NEBL: variants seen among roughly 807,000 people sequenced by gnomAD.
NEBL encodes the protein LIM and SH3 protein 2.
NEBL carries 122 observed loss-of-function variants against 140.2 expected under a neutral mutation model. The ratio of observed to expected loss-of-function variants is 0.87; its 90% confidence interval spans 0.75 to 1.01. NEBL has a LOEUF of 1.01. Ranked by LOEUF, NEBL falls within the 50% of genes least tolerant of loss-of-function variation. NEBL has a pLI of 0.00. For synonymous variants in NEBL, 436 were observed against 398.9 expected (o/e 1.09, Z -1.11); for missense variants, 1,365 against 1,231.3 (o/e 1.11, Z -1.62).
At chr10:20,844,108 T>C (rs1841666542) in intron 12 of NEBL, among the ~76,000 whole-genome samples, 1 of 152,134 alleles carries the variant, frequency 6.6e-6, no homozygotes, top group African/African-American at 2.4e-5. Context: ...TTATAGAAAT[T>C]ACATGTCTAT....
intron 2 of NEBL, among the ~76,000 whole-genome samples, chr10:21,103,532 G>A (rs1280423145): frequency 3.3e-5 from 5 of 152,186 alleles, no homozygotes; most frequent in African/African-American, 1.2e-4. Flanking sequence ...TCTTGATAAG[G>A]TCAGCCTTTT....
intron 3 of NEBL, among the ~76,000 whole-genome samples, chr10:21,223,755 T>C (rs1364561593): frequency 6.6e-6 from 1 of 152,206 alleles, no homozygotes; most frequent in Non-Finnish European, 1.5e-5. Flanking sequence ...GATATCTCAT[T>C]GTAGTTTTGA....
intron 1 of NEBL, among the ~76,000 whole-genome samples, chr10:21,263,325 C>T (rs1351510425): frequency 2.6e-5 from 4 of 151,954 alleles, no homozygotes; most frequent in Non-Finnish European, 4.4e-5. Flanking sequence ...GAGAAGATGG[C>T]GGACTAGTGT....
Position 20,835,638 on chromosome 10 carries a change from AT to A in NEBL, c.1339-16del. The A allele has an allele frequency of 6.5e-7, 1 of 1,541,912 alleles. No homozygotes were observed. The highest frequency in any genetic ancestry group is 1.1e-5 in the South Asian group (1 of 89,778). On this transcript the variant is annotated splice_polypyrimidine_tract_variant and intron_variant, in intron 13 of 27. Coordinates refer to ENST00000377122, the MANE Select transcript of NEBL (RefSeq NM_006393.3). Reference sequence around the variant, plus strand: ...TTGTATTCTTTCTGCAAAAGACAACATTTTACAACATTCAAACACTCAGTGG... The same window carrying A: ...TTGTATTCTTTCTGCAAAAGACAACATTTACAACATTCAAACACTCAGTGG...
intron 2 of NEBL, among the ~76,000 whole-genome samples, chr10:21,072,939 C>T (rs149198564): frequency 0.015 from 2,230 of 152,128 alleles, 32 homozygotes; most frequent in Non-Finnish European, 0.023. Context: ...TGCAGTGAGT[C>T]GAGATCATGC....
At chr10:20,786,491 A>G (rs1170440739) in intron 27 of NEBL, among the ~76,000 whole-genome samples, 4 of 152,212 alleles carry the variant, frequency 2.6e-5, no homozygotes, top group African/African-American at 7.2e-5. Flanking sequence ...TATGATTATA[A>G]TGAGTTTTCC....
At chr10:20,798,753 G>C (rs986290042) in intron 26 of NEBL, among the ~76,000 whole-genome samples, 1 of 152,088 alleles carries the variant, frequency 6.6e-6, no homozygotes, top group African/African-American at 2.4e-5. Flanking sequence ...TTTTAATGTT[G>C]TATTGTTTCT....
chr10:20,896,868 C>T (rs1847542962), intron 2 of NEBL, 90 bp downstream of exon 2: 18 of 1,110,372 alleles, frequency 1.6e-5, no homozygotes, highest in South Asian at 1.1e-4. Flanking sequence ...AAGGTGATTT[C>T]AGGGTTTCCC....
intron 1 of NEBL, among the ~76,000 whole-genome samples, chr10:21,286,228 T>C (rs1843053442): frequency 1.3e-5 from 2 of 152,218 alleles, no homozygotes; most frequent in African/African-American, 4.8e-5. Context: ...GGGAGCAGCA[T>C]ATTTGGTTTT....
At chr10:20,991,958 T>C (rs758667993) in intron 3 of NEBL, among the ~76,000 whole-genome samples, 2 of 151,924 alleles carry the variant, frequency 1.3e-5, no homozygotes, top group Non-Finnish European at 2.9e-5. Context: ...TATTCTTTTT[T>C]ATGGCTGTGT....
chr10:20,918,649 C>G (rs879088966), intron 4 of NEBL, among the ~76,000 whole-genome samples: 3 of 151,742 alleles, frequency 2.0e-5, no homozygotes, highest in Non-Finnish European at 2.9e-5. Flanking sequence ...GAGATCGAGA[C>G]CATCCTGGCG....
intron 2 of NEBL, among the ~76,000 whole-genome samples, chr10:21,139,646 T>A (rs1301436603): frequency 6.6e-6 from 1 of 152,162 alleles, no homozygotes; most frequent in Admixed American, 6.5e-5. Flanking sequence ...AACAATTGTA[T>A]AAGAGGCACG....
chr10:20,792,523 C>T (rs185424016), intron 26 of NEBL, among the ~76,000 whole-genome samples: 14 of 152,176 alleles, frequency 9.2e-5, no homozygotes, highest in South Asian at 2.1e-4. Flanking sequence ...TAGTCCTGGC[C>T]GGGCATGGTG....
At chr10:20,814,882 C>T (rs184745965) in intron 22 of NEBL, among the ~76,000 whole-genome samples, 4 of 152,328 alleles carry the variant, frequency 2.6e-5, no homozygotes, top group Non-Finnish European at 5.9e-5. Context: ...CACACAGCAT[C>T]TCTGGACAGA....
Position 21,095,346 on chromosome 10 carries a change from C to T in NEBL, c.165-75145G>A, listed in dbSNP as rs115350637. Among the ~76,000 whole-genome samples the T allele has an allele frequency of 8.2e-3, 1,209 of 147,916 alleles. 58 individuals carry two copies. The East Asian group carries it at 0.11, about 14-fold the overall frequency. The stretch of plus-strand genomic sequence containing the variant: ...TAAGAAAAGCAGATAAAAGATAAGA[C>T]GAACATGGTCAGAGTGATGACCGTT... On this transcript the variant is annotated intron_variant, in intron 2 of 6. Transcript: ENST00000417816.
At position 20,992,765 on chromosome 10, in the gene NEBL, C is replaced by CTTTTTTT. The variant is rs35627113; in HGVS notation, c.249+27345_249+27351dup. Among the ~76,000 whole-genome samples, 73 of 52,466 alleles carry CTTTTTTT rather than the reference C, an allele frequency of 1.4e-3. 11 individuals are homozygous for CTTTTTTT. Among genetic ancestry groups the CTTTTTTT allele is most frequent in the African/African-American group, 5.7e-3 (67 of 11,818 alleles). 34.4% of individuals were successfully genotyped at this position (52,466 alleles called of 152,430 possible). On this transcript the variant is annotated intron_variant, in intron 3 of 6. Transcript: ENST00000417816. ...AATCAGTCATTTGCAACTACAAAGT[C>CTTTTTTT]TTTTTTTTTTTTTTTTTTTTTTTTT... is the stretch of plus-strand genomic sequence containing the variant.
intron 2 of NEBL, among the ~76,000 whole-genome samples, chr10:21,101,574 T>G (rs1397013335): frequency 1.3e-5 from 2 of 152,230 alleles, no homozygotes; most frequent in African/African-American, 2.4e-5. Context: ...GCAGAGCCCC[T>G]GCATTAGCTA....
At chr10:21,256,657 C>A (rs1454599995) in intron 1 of NEBL, among the ~76,000 whole-genome samples, 1 of 151,986 alleles carries the variant, frequency 6.6e-6, no homozygotes, top group African/African-American at 2.4e-5. Context: ...ATAGTGAGAC[C>A]CTGTCTCTAA....
chr10:21,120,385 A>AT (rs1378111978), intron 2 of NEBL, among the ~76,000 whole-genome samples: 4,316 of 65,666 alleles, frequency 0.066, 69 homozygotes, highest in East Asian at 0.12. Flanking sequence ...AAAAAAAAAA[A>AT]AAAAATACAT....
Sources: allele counts gnomAD v4.1 joint callset (sites outside exome capture counted in the v4.1 genomes callset), GRCh38; gene constraint gnomAD v4.1.1; transcripts MANE v1.5; gene names NCBI Gene and HGNC (gene_info 2026-07-23, HGNC 2026-07-21).